CNBD1: variants seen among roughly 807,000 people sequenced by gnomAD.
CNBD1 encodes the protein cyclic nucleotide-binding domain-containing protein 1.
In CNBD1, 71 loss-of-function variants were observed where a neutral mutation model predicts 54.4. That is an observed-to-expected ratio of 1.30 (90% CI 1.08 to 1.59). The LOEUF (loss-of-function observed/expected upper bound fraction) is 1.59. Ranked by LOEUF, CNBD1 falls within the 40% of genes most tolerant of loss-of-function variation. CNBD1 has a pLI of 0.00. For missense variants in CNBD1, 659 were observed against 518.0 expected, an observed-to-expected ratio of 1.27 and a Z score of -2.64; for synonymous variants, 182 against 170.7, an observed-to-expected ratio of 1.07 and a Z score of -0.51.
chr8:87,018,473 A>C (rs1196596938), intron 4 of CNBD1, among the ~76,000 whole-genome samples: 1 of 152,206 alleles, frequency 6.6e-6, no homozygotes, highest in Non-Finnish European at 1.5e-5. Flanking sequence ...GTACAAATTA[A>C]ATCATTATTT....
chr8:87,128,721 C>T (rs1721933593), intron 4 of CNBD1, among the ~76,000 whole-genome samples: 1 of 151,712 alleles, frequency 6.6e-6, no homozygotes, highest in African/African-American at 2.4e-5. Flanking sequence ...GGGAAAAACC[C>T]CACCTGGTCA....
chr8:87,124,677 A>T (rs1435626110), intron 4 of CNBD1, among the ~76,000 whole-genome samples: 5 of 151,782 alleles, frequency 3.3e-5, no homozygotes, highest in African/African-American at 1.2e-4. Flanking sequence ...CATATATGAC[A>T]AACTTGTAGG....
At chr8:86,981,230 T>C (rs1808480566) in intron 4 of CNBD1, among the ~76,000 whole-genome samples, 1 of 152,216 alleles carries the variant, frequency 6.6e-6, no homozygotes. Flanking sequence ...CCAAGTATTA[T>C]GGCAGAGATT....
At chr8:87,050,881 T>C (rs1810297726) in intron 4 of CNBD1, among the ~76,000 whole-genome samples, 1 of 152,166 alleles carries the variant, frequency 6.6e-6, no homozygotes, top group South Asian at 2.1e-4. Flanking sequence ...TCTAGTCCTT[T>C]TTCAGCTTCT....
At chr8:87,180,905 T>TA (rs2130777251) in intron 4 of CNBD1, among the ~76,000 whole-genome samples, 1 of 152,286 alleles carries the variant, frequency 6.6e-6, no homozygotes, top group South Asian at 2.1e-4. Flanking sequence ...TTATTTGCTG[T>TA]AAACAAGTAT....
rs538060288 is a variant in CNBD1 at position 87,137,824 on chromosome 8, G to A, written c.432-68169G>A. On this transcript the variant is annotated intron_variant, in intron 4 of 10. Transcript: ENST00000518476. Reference sequence around the variant, plus strand: ...GATGTAGAAGGATCTCTGCTCCAGAGAGAAGCTATGAAATAATAAGAGGGA... The same window carrying A: ...GATGTAGAAGGATCTCTGCTCCAGAAAGAAGCTATGAAATAATAAGAGGGA... Among the ~76,000 whole-genome samples the A allele has an allele frequency of 1.8e-4, 28 of 152,150 alleles. 1 individual carries two copies. The highest frequency in any genetic ancestry group is 2.5e-4 in the Non-Finnish European group (17 of 68,032).
At chr8:87,291,201 T>C (rs193285373) in intron 8 of CNBD1, among the ~76,000 whole-genome samples, 64 of 152,282 alleles carry the variant, frequency 4.2e-4, no homozygotes, top group Non-Finnish European at 6.2e-4. Flanking sequence ...TTAATAATTC[T>C]TCTCTTTTTG....
At chr8:87,132,087 T>A (rs1446298904) in intron 4 of CNBD1, among the ~76,000 whole-genome samples, 1 of 151,998 alleles carries the variant, frequency 6.6e-6, no homozygotes, top group African/African-American at 2.4e-5. Flanking sequence ...TTTATATGTA[T>A]GTAATGTGTC....
chr8:87,300,123 C>G (rs2130881360), intron 8 of CNBD1, among the ~76,000 whole-genome samples: 1 of 152,206 alleles, frequency 6.6e-6, no homozygotes, highest in South Asian at 2.1e-4. Flanking sequence ...GTCAGCATCA[C>G]TTGCAGTTTA....
At chr8:87,422,123 T>C (rs1399076171) in intron 2 of CNBD1, among the ~76,000 whole-genome samples, 2 of 146,710 alleles carry the variant, frequency 1.4e-5, no homozygotes, top group African/African-American at 2.6e-5. Context: ...GATGGGGCTG[T>C]TTGTTTTTTT....
At chr8:87,378,569 G>C (rs991934696) in intron 10 of CNBD1, among the ~76,000 whole-genome samples, 1 of 150,246 alleles carries the variant, frequency 6.7e-6, no homozygotes, top group South Asian at 2.1e-4. Flanking sequence ...TTGTTGTATA[G>C]TTTGAAGTCA....
intron 4 of CNBD1, among the ~76,000 whole-genome samples, chr8:87,136,372 C>T (rs1479562447): frequency 4.7e-5 from 7 of 150,106 alleles, no homozygotes; most frequent in Non-Finnish European, 1.0e-4. Flanking sequence ...TTACTTTTAA[C>T]ATCTCAATTA....
chr8:87,311,031 T>C (rs189691878), intron 8 of CNBD1, among the ~76,000 whole-genome samples: 2 of 152,074 alleles, frequency 1.3e-5, no homozygotes, highest in African/African-American at 4.8e-5. Context: ...ATTGTGGACA[T>C]TGGCCTTGGG....
chr8:87,305,804 A>G (rs946448857), intron 8 of CNBD1, among the ~76,000 whole-genome samples: 6 of 152,216 alleles, frequency 3.9e-5, no homozygotes, highest in Non-Finnish European at 7.3e-5. Flanking sequence ...TAAAAATTCT[A>G]GATGATAACA....
chr8:87,220,612 A>AT (rs1814312042), intron 5 of CNBD1, among the ~76,000 whole-genome samples: 1 of 151,126 alleles, frequency 6.6e-6, no homozygotes, highest in African/African-American at 2.4e-5. Flanking sequence ...ACCTTACCTC[A>AT]GCTCAACATT....
At chr8:87,301,403 C>A (rs1195484406) in intron 8 of CNBD1, among the ~76,000 whole-genome samples, 1 of 152,072 alleles carries the variant, frequency 6.6e-6, no homozygotes, top group Non-Finnish European at 1.5e-5. Flanking sequence ...AAAAAGAAAA[C>A]TACAGACCAA....
At chr8:86,927,699 A>C (rs891053918) in intron 3 of CNBD1, among the ~76,000 whole-genome samples, 14 of 152,202 alleles carry the variant, frequency 9.2e-5, no homozygotes, top group African/African-American at 3.4e-4. Context: ...ACTGCTTAAT[A>C]ATGTAATGAT....
At chr8:87,016,631 T>C (rs1809362745) in intron 4 of CNBD1, among the ~76,000 whole-genome samples, 2 of 152,182 alleles carry the variant, frequency 1.3e-5, no homozygotes, top group African/African-American at 4.8e-5. Flanking sequence ...AAAAAAACTT[T>C]AGTGGATTGT....
At chr8:87,268,196 C>T (rs1395150840) in intron 6 of CNBD1, among the ~76,000 whole-genome samples, 1 of 152,038 alleles carries the variant, frequency 6.6e-6, no homozygotes, top group Non-Finnish European at 1.5e-5. Flanking sequence ...TGAGGAAGAA[C>T]ATAAAGTATT....
Sources: gnomAD v4.1 joint callset for allele counts (sites outside exome capture counted in the v4.1 genomes callset) on GRCh38, gnomAD v4.1.1 for gene constraint, MANE v1.5 for transcripts, NCBI Gene and HGNC (gene_info 2026-07-23, HGNC 2026-07-21) for gene names.